Variants in CYTH3 observed in about 807,000 individuals in gnomAD.
The protein encoded by CYTH3 is cytohesin 3, also known as cytohesin-3.
A neutral mutation model predicts 55.1 loss-of-function variants in CYTH3; 23 were observed. The observed-to-expected ratio is 0.42, with a 90% CI of 0.30 to 0.59. The LOEUF is 0.59. Among genes scored for constraint, CYTH3 ranks in the 20% least tolerant of loss-of-function variants. The probability of loss-of-function intolerance (pLI) is 0.20; values close to 1 mark genes in which losing one functional copy is unlikely to be tolerated. For missense variants in CYTH3, 413 were observed against 524.8 expected, an observed-to-expected ratio of 0.79 and a Z score of 2.08; for synonymous variants, 249 against 194.9, an observed-to-expected ratio of 1.28 and a Z score of -2.31.
At chr7:6,194,151 C>T (rs1247294906) in intron 1 of CYTH3, among the ~76,000 whole-genome samples, 1 of 152,176 alleles carries the variant, frequency 6.6e-6, no homozygotes, top group Admixed American at 6.5e-5. Flanking sequence ...AAAACAGATA[C>T]CGAAACAGAC....
chr7:6,202,668 A>G (rs1471147377), intron 1 of CYTH3, among the ~76,000 whole-genome samples: 1 of 152,020 alleles, frequency 6.6e-6, no homozygotes, highest in Non-Finnish European at 1.5e-5. Flanking sequence ...TCTCCATGTT[A>G]GGCTCATCTC....
intron 4 of CYTH3, 124 bp downstream of exon 4, chr7:6,186,926 C>A: frequency 2.1e-6 from 2 of 973,014 alleles, no homozygotes; most frequent in Admixed American, 2.0e-5. Flanking sequence ...AATGTGCCTT[C>A]AACTCCCAGT....
At chr7:6,182,774 C>T (rs557887382) in intron 4 of CYTH3, among the ~76,000 whole-genome samples, 5 of 152,242 alleles carry the variant, frequency 3.3e-5, no homozygotes, top group African/African-American at 9.6e-5. Flanking sequence ...CCTTCTAAGA[C>T]GTCAGGATTA....
At chr7:6,241,575 A>G (rs1779673548) in intron 1 of CYTH3, among the ~76,000 whole-genome samples, 1 of 152,224 alleles carries the variant, frequency 6.6e-6, no homozygotes, top group Non-Finnish European at 1.5e-5. Flanking sequence ...TTTCTCTCTC[A>G]GATAAATGTG....
chr7:6,238,767 G>A lies in CYTH3; in HGVS notation c.34+33707C>T, dbSNP rs571475023. The stretch of plus-strand genomic sequence containing the variant: ...ACTGTGGTGAAGGGTGTCGACAGCC[G>A]GGGAAGGCTGTGTGCACGTGGGGGC... On this transcript the variant is annotated intron_variant, in intron 1 of 12. Coordinates refer to ENST00000350796, the MANE Select transcript of CYTH3 (RefSeq NM_004227.4). 1.2e-4 allele frequency among the ~76,000 whole-genome samples: 18 copies of A among 152,236 alleles called. No individual in the cohort carries two copies. The South Asian group carries it at 2.9e-3, about 25-fold the overall frequency.
At chr7:6,182,487 C>T (rs1203828636) in intron 4 of CYTH3, among the ~76,000 whole-genome samples, 3 of 152,172 alleles carry the variant, frequency 2.0e-5, no homozygotes, top group South Asian at 2.1e-4. Flanking sequence ...AGTTGGACTA[C>T]AGGCACATGC....
At chr7:6,180,298 G>A (rs1783473392) in intron 4 of CYTH3, among the ~76,000 whole-genome samples, 1 of 152,222 alleles carries the variant, frequency 6.6e-6, no homozygotes, top group African/African-American at 2.4e-5. Context: ...CTAAAATTCA[G>A]AACACACAAA....
At chr7:6,226,147 G>T (rs1441544237) in intron 1 of CYTH3, among the ~76,000 whole-genome samples, 1 of 152,100 alleles carries the variant, frequency 6.6e-6, no homozygotes, top group Admixed American at 6.5e-5. Flanking sequence ...AAAATAAAAA[G>T]CAATGCATCT....
intron 1 of CYTH3, among the ~76,000 whole-genome samples, chr7:6,202,063 C>G (rs1784069819): frequency 6.6e-6 from 1 of 152,204 alleles, no homozygotes; most frequent in Non-Finnish European, 1.5e-5. Flanking sequence ...GAAGGGAAGT[C>G]TATTTCCCAG....
Position 6,272,548 on chromosome 7 carries a change from G to A in CYTH3, c.-41C>T, listed in dbSNP as rs1780695399. On this transcript the variant is annotated 5_prime_UTR_variant, in exon 1 of 13. Coordinates refer to ENST00000350796, the MANE Select transcript of CYTH3 (RefSeq NM_004227.4). ...GCAGCCGGCGAGCCGGGGGCCGGCAGCAGAGGGGCCGCGGGCTGGGGACGC... is the reference window on the plus strand; with the variant it reads ...GCAGCCGGCGAGCCGGGGGCCGGCAACAGAGGGGCCGCGGGCTGGGGACGC... 2.3e-6 allele frequency: 3 copies of A among 1,281,574 alleles called. No homozygotes were observed. The highest frequency in any genetic ancestry group is 1.6e-5 in the African/African-American group (1 of 63,568). The allele number at this position is 1,281,574 out of a possible 1,614,324, so 79.4% of individuals were successfully genotyped here. A position where few individuals can be genotyped will look rare whatever the true frequency, so the allele number is the denominator to read the frequency against.
At chr7:6,268,546 C>G (rs1780569589) in intron 1 of CYTH3, among the ~76,000 whole-genome samples, 1 of 152,244 alleles carries the variant, frequency 6.6e-6, no homozygotes, top group Non-Finnish European at 1.5e-5. Context: ...CTTTCTACAA[C>G]TTTACAACCT....
At chr7:6,267,009 C>T (rs1780513735) in intron 1 of CYTH3, among the ~76,000 whole-genome samples, 1 of 152,214 alleles carries the variant, frequency 6.6e-6, no homozygotes, top group Non-Finnish European at 1.5e-5. Flanking sequence ...GCAGATCCCT[C>T]ATGGCTCAGT....
At chr7:6,245,705 G>A (rs1779795701) in intron 1 of CYTH3, among the ~76,000 whole-genome samples, 1 of 152,218 alleles carries the variant, frequency 6.6e-6, no homozygotes, top group Non-Finnish European at 1.5e-5. Flanking sequence ...AGGACTTGGA[G>A]ACCAGCCTGA....
At chr7:6,246,452 A>G (rs1779819000) in intron 1 of CYTH3, among the ~76,000 whole-genome samples, 1 of 152,294 alleles carries the variant, frequency 6.6e-6, no homozygotes, top group African/African-American at 2.4e-5. Context: ...CCTGTGATCA[A>G]ATTTATCTTT....
chr7:6,166,294 G>C (rs549862202), intron 9 of CYTH3, among the ~76,000 whole-genome samples: 1 of 152,360 alleles, frequency 6.6e-6, no homozygotes, highest in Admixed American at 6.5e-5. Context: ...GCACACGCAC[G>C]TACCCCCATC....
chr7:6,267,936 T>C lies in CYTH3; in HGVS notation c.34+4538A>G, dbSNP rs558649345. Among the ~76,000 whole-genome samples, 8 of 152,236 alleles carry C rather than the reference T, an allele frequency of 5.3e-5. No individual in the cohort carries two copies. In the South Asian group the frequency reaches 1.5e-3, roughly 28 times the overall value. On this transcript the variant is annotated intron_variant, in intron 1 of 12. Coordinates refer to ENST00000350796, the MANE Select transcript of CYTH3 (RefSeq NM_004227.4). ...CAATTTTAGAAAAAGTGAAGACAGATTATTCAAACTTTTTTGAATTTCAAA... is the reference window on the plus strand; with the variant it reads ...CAATTTTAGAAAAAGTGAAGACAGACTATTCAAACTTTTTTGAATTTCAAA...
At chr7:6,206,611 C>T (rs1784193865) in intron 1 of CYTH3, among the ~76,000 whole-genome samples, 1 of 152,220 alleles carries the variant, frequency 6.6e-6, no homozygotes, top group Non-Finnish European at 1.5e-5. Context: ...GGGCGCTTTA[C>T]TTATTGCCCT....
intron 1 of CYTH3, among the ~76,000 whole-genome samples, chr7:6,221,497 A>C (rs1784551909): frequency 6.6e-6 from 1 of 152,168 alleles, no homozygotes; most frequent in Admixed American, 6.5e-5. Flanking sequence ...TCTTGATTGC[A>C]GCGGTGGCTA....
chr7:6,254,488 G>A (rs577075635), intron 1 of CYTH3, among the ~76,000 whole-genome samples: 137 of 152,288 alleles, frequency 9.0e-4, no homozygotes, highest in African/African-American at 2.9e-3. Context: ...TCGTTCTGTC[G>A]TCTAGGCTGG....
Sources: allele counts gnomAD v4.1 joint callset (sites outside exome capture counted in the v4.1 genomes callset), GRCh38; gene constraint gnomAD v4.1.1; transcripts MANE v1.5; gene names NCBI Gene and HGNC (gene_info 2026-07-23, HGNC 2026-07-21).